Variants in GRHPR observed in about 807,000 individuals in gnomAD.
GRHPR encodes the protein glyoxylate and hydroxypyruvate reductase.
In GRHPR, 35 loss-of-function variants were observed where a neutral mutation model predicts 36.8. The observed-to-expected ratio is 0.95, with a 90% CI of 0.73 to 1.26. The LOEUF (loss-of-function observed/expected upper bound fraction) is 1.26. Ranked by LOEUF, GRHPR falls within the 50% of genes most tolerant of loss-of-function variation. The pLI, the probability that GRHPR is intolerant of heterozygous loss-of-function variation, is 0.00. For synonymous variants in GRHPR, 179 were observed against 181.0 expected (o/e 0.99, Z 0.09); for missense variants, 380 against 435.0 (o/e 0.87, Z 1.12).
Position 37,424,901 on chromosome 9 carries a change from GA to G in GRHPR, c.141del (p.Gly48ValfsTer60), listed in dbSNP as rs2118859041. ...DEPIPAKELERGVAGAHGLLC... is the reference protein window; with the variant it reads ...DEPIPAKELEXGVAGAHGLLC... ...CCCATCCCTGCCAAGGAGCTAGAGC[GA>G]GGTGTGGCGGGGGCCCACGGCCTGC... On this transcript the variant is annotated frameshift_variant, in exon 2 of 9. Transcript: ENST00000318158. LOFTEE classifies it high-confidence loss of function. 6.2e-7 allele frequency: 1 copy of G among 1,613,616 alleles called. No individual in the cohort carries two copies. Among genetic ancestry groups the G allele is most frequent in the African/African-American group, 1.3e-5 (1 of 75,072 alleles).
chr9:37,433,416 T>G (rs1169101575), intron 8 of GRHPR, among the ~76,000 whole-genome samples: 1 of 152,024 alleles, frequency 6.6e-6, no homozygotes, highest in Non-Finnish European at 1.5e-5. Flanking sequence ...GTATTTTTAG[T>G]AGAGATGGGG....
intron 2 of GRHPR, among the ~76,000 whole-genome samples, chr9:37,425,393 G>T (rs775727360): frequency 6.6e-6 from 1 of 152,276 alleles, no homozygotes; most frequent in Admixed American, 6.5e-5. Context: ...GCCCATGGAA[G>T]AATAAACCTC....
At chr9:37,435,103 T>C (rs1019840137) in intron 8 of GRHPR, among the ~76,000 whole-genome samples, 10 of 152,092 alleles carry the variant, frequency 6.6e-5, no homozygotes, top group African/African-American at 2.4e-4. Flanking sequence ...AATAAAAAAT[T>C]AGCCATGTGT....
downstream of GRHPR, among the ~76,000 whole-genome samples, chr9:37,437,306 T>G (rs1365085087): frequency 6.6e-6 from 1 of 152,200 alleles, no homozygotes; most frequent in East Asian, 1.9e-4. Context: ...AGTCACAGCA[T>G]CCAATGATCT....
At chr9:37,425,374 C>T (rs1250113956) in intron 2 of GRHPR, among the ~76,000 whole-genome samples, 2 of 152,244 alleles carry the variant, frequency 1.3e-5, no homozygotes, top group African/African-American at 2.4e-5. Flanking sequence ...ACCGCAGCCA[C>T]GGGTCTCAGC....
chr9:37,429,870 CTG>C, intron 6 of GRHPR, 34 bp downstream of exon 6: 1 of 1,251,930 alleles, frequency 8.0e-7, no homozygotes, highest in Non-Finnish European at 1.2e-6. Flanking sequence ...AGGAGCCTAT[CTG>C]TGCCCAGTTG....
At chr9:37,434,340 GA>G in intron 8 of GRHPR, 1 of 474,528 alleles carries the variant, frequency 2.1e-6, no homozygotes, top group Non-Finnish European at 3.8e-6. Context: ...TGCCTTGGGG[GA>G]AGGGCCAGCG....
chr9:37,424,897 G>A lies in GRHPR; in HGVS notation c.136G>A (p.Glu46Lys). The change falls in exon 2 of 9, where the codon GAG (glutamate) becomes AAG (lysine). Residue 46 changes from glutamate (E) to lysine (K), a missense_variant. Physicochemically the swap from Glu to Lys is moderately conservative, Grantham distance 56. Transcript: ENST00000318158. ...TGAGCCCATCCCTGCCAAGGAGCTA[G>A]AGCGAGGTGTGGCGGGGGCCCACGG... is the stretch of plus-strand genomic sequence containing the variant. ...SDEPIPAKEL[E>K]RGVAGAHGLL... The A allele has an allele frequency of 6.2e-7, 1 of 1,613,702 alleles. No homozygotes were observed. The highest frequency in any genetic ancestry group is 8.5e-7 in the Non-Finnish European group (1 of 1,179,950).
intron 3 of GRHPR, 21 bp from the exon 4 acceptor site, chr9:37,426,517 C>T (rs1823082444): frequency 1.4e-6 from 2 of 1,416,676 alleles, no homozygotes; most frequent in Non-Finnish European, 1.0e-6. Context: ...CTGATGTTAC[C>T]ACCAGATGTC....
intron 8 of GRHPR, 107 bp from the exon 9 acceptor site, chr9:37,436,554 T>A: frequency 8.5e-7 from 1 of 1,179,084 alleles, no homozygotes; most frequent in Non-Finnish European, 1.3e-6. Context: ...CATGAGGTAG[T>A]CTCTCTTTAT....
At chr9:37,428,186 C>T in intron 4 of GRHPR, 2 of 522,676 alleles carry the variant, frequency 3.8e-6, no homozygotes, top group Non-Finnish European at 3.5e-6. Context: ...CAACTCTTCC[C>T]TGGTTGTGTG....
intron 4 of GRHPR, chr9:37,428,128 A>G (rs945924012): frequency 2.6e-6 from 1 of 390,704 alleles, no homozygotes; most frequent in African/African-American, 2.1e-5. Flanking sequence ...AAGTGCCAAG[A>G]GAACTTGTTT....
At position 37,422,700 on chromosome 9, in the gene GRHPR, T is replaced by G; in HGVS notation, c.-51T>G. 1.4e-6 allele frequency: 2 copies of G among 1,404,834 alleles called. No individual in the cohort carries two copies. Among genetic ancestry groups the G allele is most frequent in the South Asian group, 2.5e-5 (2 of 81,336 alleles). 87.0% of individuals were successfully genotyped at this position (1,404,834 alleles called of 1,614,324 possible). A position where few individuals can be genotyped will look rare whatever the true frequency, so the allele number is the denominator to read the frequency against. ...TGGCCCCGCCCCGGCCCAGCTACAT[T>G]CCCGGGCCAGCTTCTGTACTGCCAG... On this transcript the variant is annotated 5_prime_UTR_variant, in exon 1 of 9. It adds an upstream start codon to the 5' untranslated region. Transcript: ENST00000318158.
At chr9:37,433,150 A>G in intron 8 of GRHPR, among the ~76,000 whole-genome samples, 1 of 151,492 alleles carries the variant, frequency 6.6e-6, no homozygotes, top group Non-Finnish European at 1.5e-5. Flanking sequence ...TGCCCGTGCC[A>G]CCGAAGTCTG....
intron 1 of GRHPR, among the ~76,000 whole-genome samples, chr9:37,424,277 G>A (rs186285531): frequency 9.6e-4 from 146 of 152,326 alleles, no homozygotes; most frequent in African/African-American, 3.1e-3. Flanking sequence ...CCTGTGTCCT[G>A]CCACATAGAG....
rs765692943 is a variant in GRHPR at position 37,432,175 on chromosome 9, C to A, written c.865+37C>A. The A allele has an allele frequency of 3.7e-6, 6 of 1,605,406 alleles. No homozygotes were observed. The African/African-American group carries it at 8.0e-5, about 21-fold the overall frequency. ...ACTTTCTGATGCAAACTCCCTGCTG[C>A]CCTGCAGGACCAGTGTTTTTGAGGG... On this transcript the variant is annotated intron_variant, in intron 8 of 8. Coordinates refer to ENST00000318158, the MANE Select transcript of GRHPR (RefSeq NM_012203.2).
chr9:37,437,430 A>T (rs1362159845), downstream of GRHPR, among the ~76,000 whole-genome samples: 1 of 151,906 alleles, frequency 6.6e-6, no homozygotes, highest in Non-Finnish European at 1.5e-5. Flanking sequence ...CTTGTCCCTC[A>T]CCAAGGACGG....
Position 37,428,477 on chromosome 9 carries a change from C to G in GRHPR, c.405-7C>G. 1 of 1,591,986 alleles carries G rather than the reference C, an allele frequency of 6.3e-7. No homozygotes were observed. The highest frequency in any genetic ancestry group is 8.6e-7 in the Non-Finnish European group (1 of 1,160,680). ...GGCCTCTCACCTGCCCCTCTCTCTC[C>G]CCTCAGTGGTGGCTGGACCTCGTGG... On this transcript the variant is annotated splice_region_variant and splice_polypyrimidine_tract_variant and intron_variant, in intron 4 of 8. Transcript: ENST00000318158.
chr9:37,425,855 AGT>A (rs1823051847), intron 2 of GRHPR, 65 bp from the exon 3 acceptor site: 2 of 965,516 alleles, frequency 2.1e-6, no homozygotes, highest in Admixed American at 1.7e-5. Flanking sequence ...TCCCCATGAT[AGT>A]CCCCAGTGCT....
Sources: gnomAD v4.1 joint callset for allele counts (sites outside exome capture counted in the v4.1 genomes callset) on GRCh38, gnomAD v4.1.1 for gene constraint, MANE v1.5 for transcripts, NCBI Gene and HGNC (gene_info 2026-07-23, HGNC 2026-07-21) for gene names.